NAA38: variants seen among roughly 807,000 people sequenced by gnomAD.
NAA38 encodes the protein LSM domain containing 1.
A neutral mutation model predicts 12.6 loss-of-function variants in NAA38; 15 were observed. That is an observed-to-expected ratio of 1.19 (90% CI 0.79 to 1.83). The LOEUF is 1.83. NAA38 is among the 40% of genes most tolerant of loss of function. NAA38 has a pLI of 0.00. For missense variants in NAA38, 183 were observed against 171.7 expected, an observed-to-expected ratio of 1.07 and a Z score of -0.37; for synonymous variants, 88 against 69.9, an observed-to-expected ratio of 1.26 and a Z score of -1.29.
At chr17:7,874,814 G>A (rs1407265163) in intron 2 of NAA38, among the ~76,000 whole-genome samples, 1 of 150,056 alleles carries the variant, frequency 6.7e-6, no homozygotes, top group Non-Finnish European at 1.5e-5. Flanking sequence ...TGAACCAGGA[G>A]GTGGAGGTTG....
chr17:7,878,116 A>G (rs1490061058), intron 2 of NAA38, among the ~76,000 whole-genome samples: 1 of 152,182 alleles, frequency 6.6e-6, no homozygotes, highest in Non-Finnish European at 1.5e-5. Context: ...AAAGAAAAAC[A>G]TAATTACAGT....
upstream of NAA38, chr17:7,859,459 G>A (rs775083399): frequency 2.5e-6 from 4 of 1,614,030 alleles, no homozygotes; most frequent in Non-Finnish European, 3.4e-6. Flanking sequence ...GCTACACGTG[G>A]AAATATGAAG....
chr17:7,857,799 A>G, upstream of NAA38: 1 of 1,315,710 alleles, frequency 7.6e-7, no homozygotes, highest in Middle Eastern at 2.9e-4. Flanking sequence ...AGTCTGTCCT[A>G]AATATCCCAT....
chr17:7,858,842 G>T (rs2151385856), upstream of NAA38: 1 of 1,519,420 alleles, frequency 6.6e-7, no homozygotes, highest in Non-Finnish European at 8.8e-7. Flanking sequence ...CTGGTGACAA[G>T]GAGCAGGTTA....
chr17:7,858,824 G>C, upstream of NAA38: 8 of 1,529,096 alleles, frequency 5.2e-6, no homozygotes, highest in Non-Finnish European at 7.0e-6. Flanking sequence ...ACACACTGGA[G>C]GTGAGAACTG....
At chr17:7,856,978 A>ACATTACCAGGCGGGTGTG (rs1377545044) in intron 2 of NAA38, 37 bp downstream of exon 2, 8 of 1,591,318 alleles carry the variant, frequency 5.0e-6, no homozygotes, top group Non-Finnish European at 6.9e-6. Context: ...AGGTTCCGCC[A>ACATTACCAGGCGGGTGTG]CATTACCAGG....
chr17:7,857,113 C>G lies in NAA38; in HGVS notation c.167G>C (p.Arg56Pro). 6.2e-7 allele frequency: 1 copy of G among 1,613,478 alleles called. No individual in the cohort carries two copies. The highest frequency in any genetic ancestry group is 8.5e-7 in the Non-Finnish European group (1 of 1,180,044). ...GACCAGTGTCCGTCCATCTGTCATG[C>G]GAATGCGCATAGTCTTGTTGAGCAG... ...EALLNKTMRI[R>P]MTDGRTLVGC... The change falls in exon 2 of 3, where the codon CGC (arginine) becomes CCC (proline). Residue 56 changes from arginine to proline, a missense_variant. Arg to Pro is a moderately radical substitution (Grantham distance 103, BLOSUM62 -2). Coordinates refer to ENST00000575771, the MANE Select transcript of NAA38 (RefSeq NM_001320925.4).
intron 2 of NAA38, among the ~76,000 whole-genome samples, chr17:7,873,610 G>A (rs560584895): frequency 3.3e-5 from 5 of 152,238 alleles, no homozygotes; most frequent in Admixed American, 6.5e-5. Flanking sequence ...AAGTGGAATC[G>A]GAAATAAAGG....
chr17:7,883,222 G>A (rs1967325714), intron 2 of NAA38: 2 of 152,172 alleles, frequency 1.3e-5, no homozygotes, highest in Admixed American at 1.3e-4. Context: ...AAACGCCTGG[G>A]TATAACCCCT....
At chr17:7,883,244 T>C (rs971925276) in exon 2 of NAA38, 2 of 152,232 alleles carry the variant, frequency 1.3e-5, no homozygotes, top group Admixed American at 6.5e-5. Context: ...CCTCTGCTTT[T>C]TCTCAGTTCC....
Position 7,875,599 on chromosome 17 carries a change from T to C in NAA38, c.-66+7636A>G, listed in dbSNP as rs543410378. Among the ~76,000 whole-genome samples the C allele has an allele frequency of 7.2e-5, 11 of 152,362 alleles. No homozygotes were observed. The South Asian group carries it at 2.3e-3, about 32-fold the overall frequency. The stretch of plus-strand genomic sequence containing the variant: ...ATCCTCCTCTCTTGGCCTCCCAAAG[T>C]GCACTGGGATTACAGGTGTGAGTCA... On this transcript the variant is annotated intron_variant, in intron 2 of 4. Transcript: ENST00000576861.
Position 7,856,762 on chromosome 17 carries a change from C to CT in NAA38, c.346dup (p.Arg116LysfsTer25). On this transcript the variant is annotated frameshift_variant, in exon 3 of 3. Transcript: ENST00000575771. LOFTEE classifies it high-confidence loss of function. ...ATACGGAGGCCCGGTCAGACTCTCC[C>CT]TCTGCACCTCAATGGAAACGATGTG... is the stretch of plus-strand genomic sequence containing the variant. 1.2e-6 allele frequency: 2 copies of CT among 1,614,082 alleles called. No individual in the cohort carries two copies. Among genetic ancestry groups the CT allele is most frequent in the Non-Finnish European group, 1.7e-6 (2 of 1,180,034 alleles).
At chr17:7,875,205 C>T (rs1388853495) in intron 2 of NAA38, among the ~76,000 whole-genome samples, 1 of 152,040 alleles carries the variant, frequency 6.6e-6, no homozygotes, top group Non-Finnish European at 1.5e-5. Context: ...TAAAACAAAA[C>T]AAAACAAAAC....
chr17:7,883,353 A>G (rs1311590527), intron 1 of NAA38: 1 of 152,190 alleles, frequency 6.6e-6, no homozygotes, highest in Non-Finnish European at 1.5e-5. Context: ...GGAAGAAAAG[A>G]GAACATAATT....
At chr17:7,867,548 AG>A (rs1461383038) in intron 2 of NAA38, among the ~76,000 whole-genome samples, 2 of 152,178 alleles carry the variant, frequency 1.3e-5, no homozygotes, top group Non-Finnish European at 2.9e-5. Flanking sequence ...CATGTTGGCC[AG>A]GCTGGTCTTG....
At chr17:7,884,270 CCCCT>C (rs1170275343) in intron 1 of NAA38, among the ~76,000 whole-genome samples, 3 of 149,266 alleles carry the variant, frequency 2.0e-5, no homozygotes, top group African/African-American at 7.4e-5. Flanking sequence ...GGGATTTTCC[CCCCT>C]CTCCCTTTCT....
At chr17:7,872,745 A>G (rs995092265) in intron 2 of NAA38, among the ~76,000 whole-genome samples, 1 of 152,224 alleles carries the variant, frequency 6.6e-6, no homozygotes, top group Non-Finnish European at 1.5e-5. Context: ...ATTTTCACAA[A>G]TAGTTTTCCA....
At chr17:7,859,351 T>C (rs1354783930), upstream of NAA38, 2 of 1,580,390 alleles carry the variant, frequency 1.3e-6, no homozygotes, top group African/African-American at 2.7e-5. Flanking sequence ...CATCCAGAAT[T>C]CTGGGGGTGG....
At chr17:7,885,058 CCCG>C (rs1226429921) in intron 1 of NAA38, 50 of 951,118 alleles carry the variant, frequency 5.3e-5, no homozygotes, top group Middle Eastern at 5.3e-4. Flanking sequence ...CACCGCTGCC[CCCG>C]CCGCCGCCGC....
Sources: gnomAD v4.1 joint callset for allele counts (sites outside exome capture counted in the v4.1 genomes callset) on GRCh38, gnomAD v4.1.1 for gene constraint, MANE v1.5 for transcripts, NCBI Gene and HGNC (gene_info 2026-07-23, HGNC 2026-07-21) for gene names.